The following RIT2 variants were observed in gnomAD, a reference collection of about 807,000 sequenced individuals.
RIT2 encodes Ras like without CAAX 2.
In RIT2, 24 loss-of-function variants were observed where a neutral mutation model predicts 23.7. The ratio of observed to expected loss-of-function variants is 1.01; its 90% confidence interval spans 0.73 to 1.43. The LOEUF (loss-of-function observed/expected upper bound fraction) is 1.43, where lower values mean the gene tolerates loss of function less well. Among genes scored for constraint, RIT2 ranks in the 40% most tolerant of loss-of-function variants. The pLI is 0.00. For synonymous variants in RIT2, 107 were observed against 91.1 expected (o/e 1.17, Z -0.99); for missense variants, 236 against 266.9 (o/e 0.88, Z 0.81).
intron 4 of RIT2, among the ~76,000 whole-genome samples, chr18:42,840,141 T>G (rs184220539): frequency 1.8e-4 from 28 of 152,370 alleles, no homozygotes; most frequent in Non-Finnish European, 2.5e-4. Context: ...CTGAATCTTT[T>G]GCTTGTTTCC....
intron 4 of RIT2, among the ~76,000 whole-genome samples, chr18:42,822,805 G>A (rs1450104630): frequency 6.6e-6 from 1 of 152,074 alleles, no homozygotes; most frequent in Non-Finnish European, 1.5e-5. Context: ...ACACCTATTT[G>A]AAAATAAGAA....
At chr18:42,946,104 T>C (rs1490536707) in intron 3 of RIT2, among the ~76,000 whole-genome samples, 2 of 152,118 alleles carry the variant, frequency 1.3e-5, no homozygotes, top group Non-Finnish European at 2.9e-5. Context: ...ATTTCTCAAA[T>C]GCAAAATTAA....
At chr18:42,839,320 AAG>A (rs1243093928) in intron 4 of RIT2, among the ~76,000 whole-genome samples, 2 of 152,174 alleles carry the variant, frequency 1.3e-5, no homozygotes, top group African/African-American at 4.8e-5. Flanking sequence ...AAAGTGAAGA[AAG>A]AAAAAAAATA....
At chr18:43,108,101 G>A (rs1913871592) in intron 1 of RIT2, among the ~76,000 whole-genome samples, 1 of 151,554 alleles carries the variant, frequency 6.6e-6, no homozygotes, top group South Asian at 2.1e-4. Flanking sequence ...TGTGAACCCA[G>A]GAGGCAGAGC....
intron 2 of RIT2, among the ~76,000 whole-genome samples, chr18:43,014,061 A>G (rs1443239448): frequency 1.3e-5 from 2 of 151,876 alleles, no homozygotes; most frequent in South Asian, 2.1e-4. Flanking sequence ...GAAACCAATA[A>G]TCACATTCAT....
intron 1 of RIT2, among the ~76,000 whole-genome samples, chr18:43,068,646 G>C (rs1034979954): frequency 6.6e-6 from 1 of 152,100 alleles, no homozygotes; most frequent in African/African-American, 2.4e-5. Context: ...TGGCAATTGA[G>C]AGAAAATATT....
At chr18:42,944,072 C>CG (rs1909667631) in intron 3 of RIT2, among the ~76,000 whole-genome samples, 1 of 152,120 alleles carries the variant, frequency 6.6e-6, no homozygotes, top group Non-Finnish European at 1.5e-5. Flanking sequence ...ATGTAAGCCA[C>CG]GTCACGTCCC....
chr18:43,100,320 T>G (rs1913653041), intron 1 of RIT2, among the ~76,000 whole-genome samples: 1 of 152,134 alleles, frequency 6.6e-6, no homozygotes, highest in African/African-American at 2.4e-5. Flanking sequence ...GAAGTGTGCC[T>G]GTCTGGCATA....
intron 1 of RIT2, among the ~76,000 whole-genome samples, chr18:43,055,057 A>C (rs1463534101): frequency 1.3e-5 from 2 of 152,042 alleles, no homozygotes; most frequent in South Asian, 2.1e-4. Context: ...GGCCTGATAC[A>C]CTGTTATTTA....
At chr18:43,013,391 C>T (rs747980945) in intron 2 of RIT2, among the ~76,000 whole-genome samples, 5 of 151,666 alleles carry the variant, frequency 3.3e-5, no homozygotes, top group Non-Finnish European at 7.4e-5. Flanking sequence ...ATTACAATGT[C>T]CAGGAATCGT....
At chr18:42,843,842 A>G (rs998578237) in intron 4 of RIT2, among the ~76,000 whole-genome samples, 1 of 152,228 alleles carries the variant, frequency 6.6e-6, no homozygotes, top group African/African-American at 2.4e-5. Flanking sequence ...TTTCCCAGAG[A>G]AACTGATATC....
At chr18:42,970,979 C>A (rs1166594596) in intron 3 of RIT2, among the ~76,000 whole-genome samples, 1 of 151,902 alleles carries the variant, frequency 6.6e-6, no homozygotes, top group African/African-American at 2.4e-5. Context: ...TTTACAAGCA[C>A]AATCATGAAA....
intron 4 of RIT2, among the ~76,000 whole-genome samples, chr18:42,881,423 A>C (rs1263638112): frequency 6.6e-6 from 1 of 152,224 alleles, no homozygotes; most frequent in African/African-American, 2.4e-5. Flanking sequence ...CACATAAATA[A>C]AACTAAGCCA....
intron 4 of RIT2, among the ~76,000 whole-genome samples, chr18:42,756,841 A>C (rs1200695824): frequency 6.6e-6 from 1 of 152,060 alleles, no homozygotes; most frequent in African/African-American, 2.4e-5. Context: ...TGAAGACCAA[A>C]AAATTTTATT....
At chr18:43,085,457 A>G (rs2144353118) in intron 1 of RIT2, among the ~76,000 whole-genome samples, 1 of 152,204 alleles carries the variant, frequency 6.6e-6, no homozygotes, top group South Asian at 2.1e-4. Flanking sequence ...GTATTCCCCT[A>G]GTCTAACTTT....
chr18:42,882,671 A>AAC (rs1907925307), intron 4 of RIT2, among the ~76,000 whole-genome samples: 1 of 152,218 alleles, frequency 6.6e-6, no homozygotes, highest in African/African-American at 2.4e-5. Context: ...ATATGGGTCA[A>AAC]TCAGTGAAAC....
chr18:42,812,530 T>C (rs1905880806), intron 4 of RIT2, among the ~76,000 whole-genome samples: 1 of 152,178 alleles, frequency 6.6e-6, no homozygotes. Context: ...GTACCTCTCT[T>C]ACATGGTAAT....
At chr18:42,947,971 A>T (rs984444673) in intron 3 of RIT2, among the ~76,000 whole-genome samples, 17 of 151,968 alleles carry the variant, frequency 1.1e-4, no homozygotes, top group Non-Finnish European at 2.9e-5. Context: ...ACATATTTAT[A>T]TCTATGTATG....
chr18:42,833,442 A>T (rs1468185792), intron 4 of RIT2, among the ~76,000 whole-genome samples: 1 of 152,194 alleles, frequency 6.6e-6, no homozygotes, highest in Non-Finnish European at 1.5e-5. Context: ...TCTTCCAATA[A>T]ACATGGGAGT....
Sources: gnomAD v4.1 joint callset for allele counts (sites outside exome capture counted in the v4.1 genomes callset) on GRCh38, gnomAD v4.1.1 for gene constraint, MANE v1.5 for transcripts, NCBI Gene and HGNC (gene_info 2026-07-23, HGNC 2026-07-21) for gene names.